CMSS1: variants seen among roughly 807,000 people sequenced by gnomAD.
The protein encoded by CMSS1 is cms1 ribosomal small subunit homolog.
A neutral mutation model predicts 43.5 loss-of-function variants in CMSS1; 33 were observed. The ratio of observed to expected loss-of-function variants is 0.76; its 90% CI spans 0.57 to 1.01. CMSS1 has a LOEUF of 1.01. Ranked by LOEUF, CMSS1 falls within the 50% of genes least tolerant of loss-of-function variation. The pLI is 0.00. For synonymous variants in CMSS1, 115 were observed against 117.2 expected (o/e 0.98, Z 0.12); for missense variants, 313 against 326.4 (o/e 0.96, Z 0.32).
At chr3:99,906,175 G>A (rs577313404) in intron 1 of CMSS1, among the ~76,000 whole-genome samples, 6 of 152,262 alleles carry the variant, frequency 3.9e-5, no homozygotes, top group Admixed American at 1.3e-4. Flanking sequence ...TCCACCCTGG[G>A]TGACAGGGCC....
intron 1 of CMSS1, among the ~76,000 whole-genome samples, chr3:99,940,567 C>G (rs906330318): frequency 1.3e-5 from 2 of 152,232 alleles, no homozygotes; most frequent in African/African-American, 4.8e-5. Context: ...GAAGGCAGGT[C>G]TCTTGCCTAC....
At chr3:100,080,734 T>G (rs889284807) in intron 1 of CMSS1, among the ~76,000 whole-genome samples, 1 of 152,182 alleles carries the variant, frequency 6.6e-6, no homozygotes, top group Non-Finnish European at 1.5e-5. Flanking sequence ...ATCAGCTAAT[T>G]CTTTATTTGC....
chr3:99,992,464 CT>C (rs1709552532), intron 1 of CMSS1, among the ~76,000 whole-genome samples: 1 of 151,862 alleles, frequency 6.6e-6, no homozygotes, highest in Non-Finnish European at 1.5e-5. Flanking sequence ...GCTTGTATGT[CT>C]TCTTTTGAAA....
chr3:99,951,565 G>A (rs1211851618), intron 1 of CMSS1, among the ~76,000 whole-genome samples: 1 of 152,116 alleles, frequency 6.6e-6, no homozygotes, highest in East Asian at 1.9e-4. Context: ...TGAGATAGTA[G>A]ACTAAGAAAG....
At chr3:100,011,217 A>G (rs984573737) in intron 1 of CMSS1, among the ~76,000 whole-genome samples, 1 of 152,148 alleles carries the variant, frequency 6.6e-6, no homozygotes, top group Non-Finnish European at 1.5e-5. Context: ...CACTTTCTGT[A>G]AAAGTGAGGT....
chr3:99,930,963 T>C, intron 1 of CMSS1: 1 of 1,613,678 alleles, frequency 6.2e-7, no homozygotes, highest in Non-Finnish European at 8.5e-7. Flanking sequence ...TGGCCTTTAG[T>C]ATGTCTTGGA....
chr3:100,015,398 G>T (rs1254001668), intron 1 of CMSS1, among the ~76,000 whole-genome samples: 1 of 152,046 alleles, frequency 6.6e-6, no homozygotes, highest in Non-Finnish European at 1.5e-5. Context: ...TTTTAGGATT[G>T]CTTTTTCTAT....
chr3:100,153,335 G>C (rs767806188), intron 2 of CMSS1, among the ~76,000 whole-genome samples: 1 of 152,098 alleles, frequency 6.6e-6, no homozygotes, highest in Non-Finnish European at 1.5e-5. Flanking sequence ...TCTTTCATTC[G>C]ACACAGTATT....
chr3:99,823,325 T>C (rs1394264571), intron 1 of CMSS1, among the ~76,000 whole-genome samples: 3 of 152,210 alleles, frequency 2.0e-5, no homozygotes, highest in African/African-American at 7.2e-5. Flanking sequence ...CTTTACTTAG[T>C]TATTTAATAG....
chr3:99,959,750 T>A (rs1446417966), intron 1 of CMSS1, among the ~76,000 whole-genome samples: 1 of 152,144 alleles, frequency 6.6e-6, no homozygotes, highest in Non-Finnish European at 1.5e-5. Context: ...TCACATTAGC[T>A]CCCAGAGGAC....
intron 1 of CMSS1, among the ~76,000 whole-genome samples, chr3:100,103,244 C>T (rs74873450): frequency 0.017 from 2,524 of 152,308 alleles, 41 homozygotes; most frequent in Middle Eastern, 0.027. Flanking sequence ...ATGGAGAAGG[C>T]AGCAGCTCAC....
chr3:100,152,833 A>G (rs1488467331), intron 2 of CMSS1, among the ~76,000 whole-genome samples: 9 of 152,178 alleles, frequency 5.9e-5, no homozygotes, highest in Non-Finnish European at 1.3e-4. Context: ...TTTAGTTTCC[A>G]ATAAGATTTT....
intron 1 of CMSS1, among the ~76,000 whole-genome samples, chr3:99,821,195 A>G (rs948875192): frequency 6.6e-6 from 1 of 152,190 alleles, no homozygotes; most frequent in African/African-American, 2.4e-5. Context: ...TCTACATTGC[A>G]CTGGAGCTCA....
chr3:100,018,543 C>T (rs969864776), intron 1 of CMSS1, among the ~76,000 whole-genome samples: 8 of 151,698 alleles, frequency 5.3e-5, no homozygotes, highest in African/African-American at 1.7e-4. Context: ...ACACCATCTA[C>T]GAAAATCAAC....
intron 1 of CMSS1, among the ~76,000 whole-genome samples, chr3:99,854,301 G>T (rs1190399890): frequency 6.6e-6 from 1 of 152,110 alleles, no homozygotes; most frequent in African/African-American, 2.4e-5. Flanking sequence ...ATTTAGCATT[G>T]ATACTTGCAT....
At chr3:100,156,299 C>CTTTTTTTTTTTTTTTTTT (rs34413816) in intron 2 of CMSS1, among the ~76,000 whole-genome samples, 3 of 73,052 alleles carry the variant, frequency 4.1e-5, no homozygotes, top group Non-Finnish European at 7.7e-5. Context: ...AATTTTTTTT[C>CTTTTTTTTTTTTTTTTTT]TTTTTTTTTT....
intron 1 of CMSS1, among the ~76,000 whole-genome samples, chr3:99,925,070 G>T (rs1707249054): frequency 1.3e-5 from 2 of 152,274 alleles, no homozygotes; most frequent in East Asian, 3.9e-4. Context: ...TGGATTCGCA[G>T]CTGCCCTAGC....
At chr3:99,952,234 C>T (rs1052781160) in intron 1 of CMSS1, among the ~76,000 whole-genome samples, 3 of 151,922 alleles carry the variant, frequency 2.0e-5, no homozygotes, top group African/African-American at 7.3e-5. Flanking sequence ...GATATAGTCT[C>T]TGATCACAAA....
intron 1 of CMSS1, among the ~76,000 whole-genome samples, chr3:100,048,519 T>C (rs2065314260): frequency 1.3e-5 from 2 of 152,194 alleles, no homozygotes; most frequent in African/African-American, 4.8e-5. Flanking sequence ...TGAAGCCATA[T>C]CTGTGGGTGC....
Sources: gnomAD v4.1 joint callset for allele counts (sites outside exome capture counted in the v4.1 genomes callset) on GRCh38, gnomAD v4.1.1 for gene constraint, MANE v1.5 for transcripts, NCBI Gene and HGNC (gene_info 2026-07-23, HGNC 2026-07-21) for gene names.